The following NDUFAF6 variants were observed in gnomAD, a reference collection of about 807,000 sequenced individuals.
NDUFAF6 encodes NADH dehydrogenase (ubiquinone) complex I, assembly factor 6.
A neutral mutation model predicts 40.8 loss-of-function variants in NDUFAF6; 45 were observed. That is an observed-to-expected ratio of 1.10 (90% CI 0.87 to 1.42). NDUFAF6 has a LOEUF of 1.42. Among genes scored for constraint, NDUFAF6 ranks in the 40% most tolerant of loss-of-function variants. The pLI is 0.00. For missense variants in NDUFAF6, 435 were observed against 418.5 expected (o/e 1.04, Z -0.34); for synonymous variants, 185 against 155.9 (o/e 1.19, Z -1.39).
chr8:94,965,981 G>A (rs1173703433), intron 1 of NDUFAF6, among the ~76,000 whole-genome samples: 2 of 152,220 alleles, frequency 1.3e-5, no homozygotes, highest in African/African-American at 4.8e-5. Flanking sequence ...TACTCAGAAA[G>A]TGAGTCAGGA....
At chr8:94,940,808 C>G in intron 1 of NDUFAF6, 1 of 1,563,268 alleles carries the variant, frequency 6.4e-7, no homozygotes, top group Non-Finnish European at 8.8e-7. Flanking sequence ...GATGAACCAC[C>G]AAGTAACCAA....
intron 2 of NDUFAF6, among the ~76,000 whole-genome samples, chr8:94,991,127 C>G (rs577425214): frequency 6.6e-6 from 1 of 152,184 alleles, no homozygotes; most frequent in Non-Finnish European, 1.5e-5. Context: ...TCTTTCCATC[C>G]CCTCCTCCAC....
chr8:94,949,940 T>G (rs1216071632), intron 2 of NDUFAF6: 1 of 149,486 alleles, frequency 6.7e-6, no homozygotes. Context: ...GATAGAGGGG[T>G]AGAGGCCGCT....
chr8:95,094,836 T>A (rs1196072754), intron 2 of NDUFAF6, among the ~76,000 whole-genome samples: 1 of 151,396 alleles, frequency 6.6e-6, no homozygotes, highest in Non-Finnish European at 1.5e-5. Context: ...CATGGCAACT[T>A]TGAACTCCTT....
At chr8:95,070,014 TC>T (rs1218882107) in intron 9 of NDUFAF6, among the ~76,000 whole-genome samples, 1 of 151,612 alleles carries the variant, frequency 6.6e-6, no homozygotes, top group Non-Finnish European at 1.5e-5. Flanking sequence ...CTCCAGGAGC[TC>T]CTTCACTCAT....
intron 2 of NDUFAF6, among the ~76,000 whole-genome samples, chr8:95,018,864 A>G (rs1018980432): frequency 1.3e-5 from 2 of 152,220 alleles, no homozygotes; most frequent in Non-Finnish European, 2.9e-5. Flanking sequence ...GATCACAGAT[A>G]TGCTATATTC....
intron 2 of NDUFAF6, among the ~76,000 whole-genome samples, chr8:95,035,219 A>T (rs964729675): frequency 6.6e-6 from 1 of 150,972 alleles, no homozygotes; most frequent in African/African-American, 2.4e-5. Flanking sequence ...GAGACAATCT[A>T]ATAATCTTCT....
chr8:95,079,522 G>A (rs1037802947), downstream of NDUFAF6, among the ~76,000 whole-genome samples: 1 of 151,972 alleles, frequency 6.6e-6, no homozygotes, highest in Non-Finnish European at 1.5e-5. Flanking sequence ...TCCATTCAAA[G>A]GTTTGTGGAA....
intron 8 of NDUFAF6, chr8:95,055,388 AT>A (rs1440608072): frequency 3.3e-4 from 51 of 152,270 alleles, no homozygotes; most frequent in Middle Eastern, 3.4e-3. Flanking sequence ...TTGGAAATGA[AT>A]TTTTATGTTT....
chr8:95,047,881 A>G (rs1830985331), intron 6 of NDUFAF6, among the ~76,000 whole-genome samples: 1 of 151,720 alleles, frequency 6.6e-6, no homozygotes, highest in South Asian at 2.1e-4. Flanking sequence ...TCTTGCTTGT[A>G]TATTTTCATT....
chr8:95,024,209 AAC>A (rs1293094846), upstream of NDUFAF6, among the ~76,000 whole-genome samples: 2 of 152,228 alleles, frequency 1.3e-5, no homozygotes, highest in Non-Finnish European at 2.9e-5. Context: ...ATTGTGGAAT[AAC>A]ACAGATATTT....
At chr8:95,063,637 G>C (rs927007804), downstream of NDUFAF6, among the ~76,000 whole-genome samples, 5 of 152,098 alleles carry the variant, frequency 3.3e-5, no homozygotes, top group Non-Finnish European at 1.5e-5. Context: ...TCCTGCCTTG[G>C]TGTACTCTGT....
At chr8:94,908,173 G>T (rs1273869067) in intron 1 of NDUFAF6, among the ~76,000 whole-genome samples, 1 of 152,176 alleles carries the variant, frequency 6.6e-6, no homozygotes, top group African/African-American at 2.4e-5. Context: ...TGTGTGCCCA[G>T]TACCTCGCAT....
chr8:94,899,963 T>G (rs1191140943), intron 1 of NDUFAF6, among the ~76,000 whole-genome samples: 2 of 152,152 alleles, frequency 1.3e-5, no homozygotes, highest in African/African-American at 2.4e-5. Context: ...CCTTCTCACC[T>G]TGGGACCTTG....
downstream of NDUFAF6, among the ~76,000 whole-genome samples, chr8:95,061,630 G>A (rs1832573679): frequency 2.0e-5 from 3 of 152,292 alleles, no homozygotes; most frequent in Admixed American, 2.0e-4. Flanking sequence ...CTCTCCAAAT[G>A]AGAAAGATGC....
rs746702622 is a variant in NDUFAF6, at chr8:94,940,038, T to C, written c.-935-5445T>C. The C allele has an allele frequency of 2.0e-5, 33 of 1,613,952 alleles. No homozygotes were observed. In the Admixed American group the frequency reaches 5.5e-4, roughly 27 times the overall value. The stretch of plus-strand genomic sequence containing the variant: ...CCTGCAGTAAAACATGGGGGTGGGG[T>C]GATAAACCAGCTCTCCTCCATTGGA... On this transcript the variant is annotated intron_variant, in intron 1 of 14. Transcript: ENST00000396113.
chr8:95,084,665 T>C (rs1563860644), intron 2 of NDUFAF6, among the ~76,000 whole-genome samples: 1 of 152,170 alleles, frequency 6.6e-6, no homozygotes, highest in Non-Finnish European at 1.5e-5. Flanking sequence ...GCTTCCTAGG[T>C]AATTGGACTC....
At chr8:94,909,343 C>T (rs543555121) in intron 1 of NDUFAF6, among the ~76,000 whole-genome samples, 6 of 65,720 alleles carry the variant, frequency 9.1e-5, no homozygotes, top group Admixed American at 6.9e-4. Context: ...AGGGAGACTC[C>T]GTCTCAAAAA....
intron 1 of NDUFAF6, among the ~76,000 whole-genome samples, chr8:94,973,516 A>G (rs185998150): frequency 0.018 from 2,767 of 152,054 alleles, 62 homozygotes; most frequent in African/African-American, 0.051. Context: ...AGACCATCCT[A>G]GCTAACACAG....
Sources: gnomAD v4.1 joint callset for allele counts (sites outside exome capture counted in the v4.1 genomes callset) on GRCh38, gnomAD v4.1.1 for gene constraint, MANE v1.5 for transcripts, NCBI Gene and HGNC (gene_info 2026-07-23, HGNC 2026-07-21) for gene names.